The following PTBP2 variants were observed in gnomAD, a reference collection of about 807,000 sequenced individuals.
PTBP2 encodes the protein polypyrimidine tract binding protein 2.
PTBP2 carries 13 observed loss-of-function variants against 61.4 expected under a neutral mutation model. The observed-to-expected ratio is 0.21, with a 90% CI of 0.14 to 0.34. PTBP2 has a LOEUF of 0.34. Ranked by LOEUF, PTBP2 falls within the 10% of genes least tolerant of loss-of-function variation. PTBP2 has a pLI of 1.00. For missense variants in PTBP2, 405 were observed against 642.6 expected (o/e 0.63, Z 4.00); for synonymous variants, 215 against 218.5 (o/e 0.98, Z 0.14).
chr1:96,722,252 C>T (rs1040045201), intron 1 of PTBP2, among the ~76,000 whole-genome samples: 7 of 152,054 alleles, frequency 4.6e-5, no homozygotes, highest in Non-Finnish European at 8.8e-5. Context: ...GTTAGCGGTG[C>T]CTGTGAGAGC....
chr1:96,751,595 C>T, intron 3 of PTBP2, 95 bp downstream of exon 3: 2 of 830,962 alleles, frequency 2.4e-6, no homozygotes, highest in East Asian at 2.7e-5. Flanking sequence ...GAAAGCCTTT[C>T]TTTTTAAATG....
In PTBP2 at chr1:96,813,519, GTTTC is replaced by G. The variant is rs1319788487; in HGVS notation, c.*118_*121del. The stretch of plus-strand genomic sequence containing the variant: ...TTTTTTTTGTTTTTGTTTTTTTGGG[GTTTC>G]TTTTTTTTTTCCATGCTGTTATCAT... On this transcript the variant is annotated 3_prime_UTR_variant, in exon 14 of 14. Coordinates refer to ENST00000674951, the MANE Select transcript of PTBP2 (RefSeq NM_021190.4). 2 of 1,112,262 alleles carry G rather than the reference GTTTC, an allele frequency of 1.8e-6. No homozygotes were observed. The highest frequency in any genetic ancestry group is 2.6e-5 in the South Asian group (1 of 38,926). 68.9% of individuals were successfully genotyped at this position (1,112,262 alleles called of 1,614,324 possible). A position where few individuals can be genotyped will look rare whatever the true frequency, so the allele number is the denominator to read the frequency against.
At chr1:96,789,044 G>T (rs1021902541) in intron 8 of PTBP2, among the ~76,000 whole-genome samples, 1 of 151,942 alleles carries the variant, frequency 6.6e-6, no homozygotes, top group Non-Finnish European at 1.5e-5. Flanking sequence ...CATTATAATG[G>T]ATCATTTTAT....
At chr1:96,772,109 G>C (rs1557735870) in intron 5 of PTBP2, among the ~76,000 whole-genome samples, 1 of 152,100 alleles carries the variant, frequency 6.6e-6, no homozygotes, top group African/African-American at 2.4e-5. Flanking sequence ...AGTCCCACAA[G>C]ATCTCCTGAG....
rs183043926 is a variant in PTBP2, at chr1:96,741,678, C to T, written c.40-9747C>T. On this transcript the variant is annotated intron_variant, in intron 2 of 13. Coordinates refer to ENST00000674951, the MANE Select transcript of PTBP2 (RefSeq NM_021190.4). ...CATTTATGTTTTTCTTTTAAAAAAA[C>T]ATTTAACCTAAGGCCTTACGTATAG... Among the ~76,000 whole-genome samples, 1,459 of 152,166 alleles carry T rather than the reference C, an allele frequency of 9.6e-3. 14 individuals are homozygous for T. The highest frequency in any genetic ancestry group is 0.015 in the Non-Finnish European group (1,007 of 67,998).
chr1:96,728,057 G>A (rs745381614), intron 2 of PTBP2, among the ~76,000 whole-genome samples: 1 of 151,918 alleles, frequency 6.6e-6, no homozygotes, highest in East Asian at 1.9e-4. Flanking sequence ...TGGTGCAATC[G>A]TAGCTCATGA....
intron 4 of PTBP2, 134 bp from the exon 5 acceptor site, chr1:96,770,574 G>T (rs3762409): frequency 7.3e-6 from 6 of 827,348 alleles, no homozygotes; most frequent in Non-Finnish European, 1.1e-5. Flanking sequence ...TTCTAATTCT[G>T]CTTATCAGAA....
chr1:96,807,669 A>G (rs1371141565), intron 11 of PTBP2, among the ~76,000 whole-genome samples: 1 of 152,150 alleles, frequency 6.6e-6, no homozygotes, highest in Non-Finnish European at 1.5e-5. Flanking sequence ...GCCATTTTTG[A>G]TGTAAGGACG....
At chr1:96,748,037 C>T (rs992371241) in intron 2 of PTBP2, among the ~76,000 whole-genome samples, 2 of 151,894 alleles carry the variant, frequency 1.3e-5, no homozygotes, top group African/African-American at 4.8e-5. Context: ...CTTGGTGGCA[C>T]CTCTGTTTAA....
At chr1:96,792,464 T>G (rs1452360739) in intron 8 of PTBP2, among the ~76,000 whole-genome samples, 1 of 152,222 alleles carries the variant, frequency 6.6e-6, no homozygotes, top group African/African-American at 2.4e-5. Flanking sequence ...TCCGTACTCC[T>G]GACTAATAAA....
At chr1:96,804,130 G>GA (rs1296610998) in intron 8 of PTBP2, among the ~76,000 whole-genome samples, 3 of 152,186 alleles carry the variant, frequency 2.0e-5, no homozygotes, top group Non-Finnish European at 4.4e-5. Flanking sequence ...GGAAAATACT[G>GA]AAACAAAATC....
chr1:96,803,002 C>G (rs1226185615), intron 8 of PTBP2, among the ~76,000 whole-genome samples: 1 of 151,990 alleles, frequency 6.6e-6, no homozygotes, highest in African/African-American at 2.4e-5. Flanking sequence ...GAATGTTTGC[C>G]TAGGAATTAG....
intron 13 of PTBP2, 75 bp downstream of exon 13, chr1:96,813,181 G>A: frequency 2.6e-6 from 4 of 1,540,520 alleles, no homozygotes; most frequent in Non-Finnish European, 3.5e-6. Flanking sequence ...TTCGTTTATA[G>A]AAATTTTTGA....
chr1:96,763,655 C>T (rs1326387519), intron 3 of PTBP2, among the ~76,000 whole-genome samples: 2 of 149,234 alleles, frequency 1.3e-5, no homozygotes, highest in African/African-American at 2.5e-5. Flanking sequence ...TTTAACTATG[C>T]TTTAGGGATG....
intron 3 of PTBP2, among the ~76,000 whole-genome samples, chr1:96,756,152 G>A (rs1185384794): frequency 5.9e-5 from 9 of 152,086 alleles, no homozygotes; most frequent in East Asian, 3.9e-4. Context: ...TAATCCCAGC[G>A]CTTTGGGAAG....
intron 5 of PTBP2, among the ~76,000 whole-genome samples, chr1:96,774,277 C>T (rs913839639): frequency 1.3e-5 from 2 of 151,990 alleles, no homozygotes; most frequent in African/African-American, 4.8e-5. Context: ...GTTTTTCACC[C>T]ACTCCCTCCT....
exon 14 of PTBP2, chr1:96,822,414 A>G (rs1267619809): frequency 2.0e-5 from 3 of 152,218 alleles, no homozygotes; most frequent in Non-Finnish European, 4.4e-5. Context: ...CAAGGAACAA[A>G]TAGAGAAATA....
chr1:96,771,337 T>C (rs1657358361), intron 5 of PTBP2: 1 of 152,514 alleles, frequency 6.6e-6, no homozygotes, highest in Non-Finnish European at 1.5e-5. Context: ...ATTAATGTAT[T>C]CAAAAATAGC....
chr1:96,791,827 T>TTTTTTTTGTTTTTTTTTTGG (rs1553184731), intron 8 of PTBP2, among the ~76,000 whole-genome samples: 1 of 81,954 alleles, frequency 1.2e-5, no homozygotes, highest in African/African-American at 5.6e-5. Context: ...GGAGTTGTGC[T>TTTTTTTTGTTTTTTTTTTGG]TTTTTTTTTT....
Sources: allele counts gnomAD v4.1 joint callset (sites outside exome capture counted in the v4.1 genomes callset), GRCh38; gene constraint gnomAD v4.1.1; transcripts MANE v1.5; gene names NCBI Gene and HGNC (gene_info 2026-07-23, HGNC 2026-07-21).